Variants in NIBAN1 observed in about 807,000 individuals in gnomAD.
The protein encoded by NIBAN1 is protein Niban 1.
In NIBAN1, 81 loss-of-function variants were observed where a neutral mutation model predicts 75.1. The observed-to-expected ratio is 1.08, with a 90% CI of 0.90 to 1.30. The LOEUF is 1.30. Among genes scored for constraint, NIBAN1 ranks in the 50% most tolerant of loss-of-function variants. NIBAN1 has a pLI of 0.00. For missense variants in NIBAN1, 1,133 were observed against 1,128.1 expected, an observed-to-expected ratio of 1.00 and a Z score of -0.06; for synonymous variants, 436 against 424.8, an observed-to-expected ratio of 1.03 and a Z score of -0.32.
intron 4 of NIBAN1, 33 bp downstream of exon 4, chr1:184,890,075 T>G (rs184067662): frequency 1.3e-5 from 20 of 1,505,196 alleles, no homozygotes; most frequent in African/African-American, 4.1e-5. Flanking sequence ...AGCTTAGTCA[T>G]TTTGCCTTGG....
At chr1:184,810,454 G>A (rs957874709) in intron 9 of NIBAN1, among the ~76,000 whole-genome samples, 1 of 152,180 alleles carries the variant, frequency 6.6e-6, no homozygotes, top group Non-Finnish European at 1.5e-5. Context: ...ATCTGTTAAA[G>A]CAAACTAAAT....
chr1:184,839,159 AT>A (rs1362443698), intron 5 of NIBAN1, among the ~76,000 whole-genome samples: 1 of 152,206 alleles, frequency 6.6e-6, no homozygotes, highest in Admixed American at 6.5e-5. Flanking sequence ...AGGAATTAAT[AT>A]CCCCACTTTA....
intron 1 of NIBAN1, among the ~76,000 whole-genome samples, chr1:184,919,870 G>T (rs926419355): frequency 1.3e-5 from 2 of 151,242 alleles, no homozygotes; most frequent in East Asian, 3.9e-4. Context: ...TTAATCACAG[G>T]CAATCAAAAG....
At chr1:184,937,222 A>C (rs1657986603) in intron 1 of NIBAN1, among the ~76,000 whole-genome samples, 1 of 140,096 alleles carries the variant, frequency 7.1e-6, no homozygotes, top group South Asian at 2.2e-4. Flanking sequence ...CTATTCATAG[A>C]TGCAATCACA....
At chr1:184,932,399 T>A (rs945785272) in intron 1 of NIBAN1, among the ~76,000 whole-genome samples, 2 of 152,236 alleles carry the variant, frequency 1.3e-5, no homozygotes, top group African/African-American at 4.8e-5. Context: ...AGTTAGATTC[T>A]CATAAGGATC....
At chr1:184,881,288 G>A (rs569514844) in intron 5 of NIBAN1, among the ~76,000 whole-genome samples, 1 of 152,164 alleles carries the variant, frequency 6.6e-6, no homozygotes, top group Non-Finnish European at 1.5e-5. Context: ...CTTCATCAGG[G>A]TTAAATAGGA....
intron 6 of NIBAN1, among the ~76,000 whole-genome samples, chr1:184,829,240 A>G (rs1424979017): frequency 6.6e-6 from 1 of 152,050 alleles, no homozygotes; most frequent in African/African-American, 2.4e-5. Context: ...CACTTGCACA[A>G]ATGCTTTACA....
intron 1 of NIBAN1, among the ~76,000 whole-genome samples, chr1:184,922,208 T>A (rs530661146): frequency 6.6e-6 from 1 of 152,276 alleles, no homozygotes; most frequent in African/African-American, 2.4e-5. Flanking sequence ...ATAAATAGGG[T>A]AGCCATCACA....
intron 9 of NIBAN1, among the ~76,000 whole-genome samples, chr1:184,815,141 T>C (rs1827986): frequency 0.7 from 106,959 of 152,076 alleles, 38,751 homozygotes; most frequent in Middle Eastern, 0.86. Context: ...TTTCATTCAA[T>C]TGTCATTTTC....
chr1:184,824,032 A>G (rs1654778293), intron 6 of NIBAN1, among the ~76,000 whole-genome samples: 1 of 152,222 alleles, frequency 6.6e-6, no homozygotes, highest in African/African-American at 2.4e-5. Context: ...CACATATTCA[A>G]ACTAGAAGAA....
chr1:184,905,197 A>C (rs1177810289), intron 1 of NIBAN1, among the ~76,000 whole-genome samples: 3 of 152,112 alleles, frequency 2.0e-5, no homozygotes, highest in African/African-American at 7.2e-5. Context: ...GCTAAATCAA[A>C]GCTGACCACC....
chr1:184,913,595 C>T (rs568155982), intron 1 of NIBAN1, among the ~76,000 whole-genome samples: 105 of 152,186 alleles, frequency 6.9e-4, no homozygotes, highest in African/African-American at 2.5e-3. Flanking sequence ...ACTTATAGTT[C>T]TGTATTATAA....
At chr1:184,909,349 T>G (rs1043676616) in intron 1 of NIBAN1, among the ~76,000 whole-genome samples, 1 of 152,202 alleles carries the variant, frequency 6.6e-6, no homozygotes, top group Non-Finnish European at 1.5e-5. Flanking sequence ...CACACAGACA[T>G]ACATTTGTTT....
chr1:184,974,382 C>A lies in NIBAN1; in HGVS notation c.-26G>T. The A allele has an allele frequency of 6.5e-7, 1 of 1,544,290 alleles. No individual in the cohort carries two copies. ...GACCGCGAGCTGCCTGTGCTGAGCG[C>A]GGAAACTGCCCGGTCCGCGCCCGCT... On this transcript the variant is annotated 5_prime_UTR_variant, in exon 1 of 14. Transcript: ENST00000367511.
intron 5 of NIBAN1, among the ~76,000 whole-genome samples, chr1:184,881,091 A>C (rs1279341226): frequency 2.7e-5 from 4 of 148,818 alleles, no homozygotes; most frequent in Non-Finnish European, 5.9e-5. Context: ...GAAAGTGCAC[A>C]TGTGAGCATG....
chr1:184,931,064 G>A (rs1048103379), intron 1 of NIBAN1, among the ~76,000 whole-genome samples: 1 of 141,146 alleles, frequency 7.1e-6, no homozygotes, highest in Non-Finnish European at 1.5e-5. Context: ...CAGTGGCACT[G>A]TGTCGGCTCA....
intron 5 of NIBAN1, among the ~76,000 whole-genome samples, chr1:184,877,947 T>C (rs978596045): frequency 3.9e-5 from 6 of 152,068 alleles, no homozygotes; most frequent in Non-Finnish European, 5.9e-5. Flanking sequence ...TTAACTCTGC[T>C]TATGTAATTT....
intron 3 of NIBAN1, among the ~76,000 whole-genome samples, chr1:184,891,310 A>T (rs1340174169): frequency 6.6e-6 from 1 of 152,164 alleles, no homozygotes; most frequent in Admixed American, 6.5e-5. Flanking sequence ...AGGAAGGAGG[A>T]TCTATACATA....
At chr1:184,854,703 T>C (rs1314106360) in intron 5 of NIBAN1, among the ~76,000 whole-genome samples, 2 of 152,336 alleles carry the variant, frequency 1.3e-5, no homozygotes, top group Admixed American at 1.3e-4. Flanking sequence ...ATCCACTATA[T>C]TTATAGTAAC....
Sources: gnomAD v4.1 joint callset for allele counts (sites outside exome capture counted in the v4.1 genomes callset) on GRCh38, gnomAD v4.1.1 for gene constraint, MANE v1.5 for transcripts, NCBI Gene and HGNC (gene_info 2026-07-23, HGNC 2026-07-21) for gene names.